Variants in DNAH5 observed in about 807,000 individuals in gnomAD.
DNAH5 encodes axonemal beta dynein heavy chain 5.
A neutral mutation model predicts 518.2 loss-of-function variants in DNAH5; 372 were observed. The observed-to-expected ratio is 0.72, with a 90% confidence interval of 0.66 to 0.78. DNAH5 has a LOEUF of 0.78. Ranked by LOEUF, DNAH5 falls within the 30% of genes least tolerant of loss-of-function variation. DNAH5 has a pLI of 0.00. For synonymous variants in DNAH5, 2,039 were observed against 2,025.9 expected, an observed-to-expected ratio of 1.01 and a Z score of -0.17; for missense variants, 5,523 against 5,687.0, an observed-to-expected ratio of 0.97 and a Z score of 0.93.
At chr5:14,005,336 T>C (rs1237651903) in intron 1 of DNAH5, among the ~76,000 whole-genome samples, 1 of 152,224 alleles carries the variant, frequency 6.6e-6, no homozygotes, top group Non-Finnish European at 1.5e-5. Flanking sequence ...AACATAATCA[T>C]TGAAATGGCC....
chr5:13,824,467 G>T, intron 38 of DNAH5, 134 bp from the exon 39 acceptor site: 1 of 823,064 alleles, frequency 1.2e-6, no homozygotes, highest in Non-Finnish European at 2.0e-6. Context: ...TACACACAAT[G>T]GGGTAAAATA....
intron 1 of DNAH5, among the ~76,000 whole-genome samples, chr5:14,008,093 A>G (rs1784845356): frequency 6.6e-6 from 1 of 151,862 alleles, no homozygotes; most frequent in Admixed American, 6.6e-5. Context: ...AATCACTTGA[A>G]CCCAGGAGGC....
intron 76 of DNAH5, among the ~76,000 whole-genome samples, chr5:13,703,310 T>A (rs775711646): frequency 6.6e-6 from 1 of 152,126 alleles, no homozygotes; most frequent in Non-Finnish European, 1.5e-5. Context: ...ACTCATTTAA[T>A]CCTCACAATA....
At chr5:13,984,132 C>T (rs1208768979) in intron 1 of DNAH5, among the ~76,000 whole-genome samples, 4 of 152,102 alleles carry the variant, frequency 2.6e-5, no homozygotes, top group Non-Finnish European at 5.9e-5. Flanking sequence ...GGAAGCATGA[C>T]GGAGACATGC....
intron 25 of DNAH5, among the ~76,000 whole-genome samples, chr5:13,867,173 A>G (rs1346692664): frequency 1.3e-5 from 2 of 152,158 alleles, no homozygotes; most frequent in Non-Finnish European, 2.9e-5. Context: ...GCCCTTTTAA[A>G]TTTATCATTT....
chr5:13,920,652 CT>C, intron 5 of DNAH5, 35 bp from the exon 6 acceptor site: 1 of 1,612,782 alleles, frequency 6.2e-7, no homozygotes, highest in East Asian at 2.2e-5. Flanking sequence ...TCAGATGATG[CT>C]TTTGTAAAAC....
At chr5:14,002,856 T>C (rs1784457605) in intron 1 of DNAH5, among the ~76,000 whole-genome samples, 1 of 151,878 alleles carries the variant, frequency 6.6e-6, no homozygotes, top group South Asian at 2.1e-4. Flanking sequence ...TTTATGTTTG[T>C]TCAGAAAAGC....
Position 13,885,075 on chromosome 5 carries a change from T to A in DNAH5, c.2897A>T (p.Asn966Ile). 6.2e-7 allele frequency: 1 copy of A among 1,614,228 alleles called. No individual in the cohort carries two copies. Among genetic ancestry groups the A allele is most frequent in the East Asian group, 2.2e-5 (1 of 44,878 alleles). Reference sequence around the variant, plus strand: ...TGTAACTTTCAGAAGAGCATCCATGTTCTGATGGTTGAAATGAGAGAGTAA... The same window carrying A: ...TGTAACTTTCAGAAGAGCATCCATGATCTGATGGTTGAAATGAGAGAGTAA... ...RELLSHFNHQ[N>I]MDALLKVTRN... The change falls in exon 19 of 79, where the codon AAC (asparagine) becomes ATC (isoleucine). Residue 966 changes from asparagine to isoleucine, a missense_variant. Asn to Ile is a moderately radical substitution (Grantham distance 149). This residue lies in a region of DNAH5 where 5,121 missense variants were observed against 5,223.3 expected (regional missense o/e 0.98). Transcript: ENST00000265104.
At chr5:13,912,131 TAA>T (rs1776060022) in intron 11 of DNAH5, among the ~76,000 whole-genome samples, 1 of 152,180 alleles carries the variant, frequency 6.6e-6, no homozygotes, top group Non-Finnish European at 1.5e-5. Context: ...TTGCTTTCAA[TAA>T]TGAGCTATAA....
chr5:13,713,286 AACATATATATACCG>A (rs1321293225), intron 75 of DNAH5, among the ~76,000 whole-genome samples: 10 of 145,554 alleles, frequency 6.9e-5, no homozygotes, highest in African/African-American at 1.5e-4. Flanking sequence ...TATATATACC[AACATATATATACCG>A]ACATATATAT....
At chr5:13,930,382 T>G (rs1778303684) in intron 2 of DNAH5, among the ~76,000 whole-genome samples, 1 of 152,142 alleles carries the variant, frequency 6.6e-6, no homozygotes, top group Non-Finnish European at 1.5e-5. Flanking sequence ...TCCTCCAACC[T>G]TGCCCAAATC....
chr5:13,735,539 G>A (rs16902732), intron 67 of DNAH5, among the ~76,000 whole-genome samples: 1,853 of 151,990 alleles, frequency 0.012, 36 homozygotes, highest in African/African-American at 0.042. Context: ...CTACCTGCAG[G>A]GCATCATCAC....
chr5:13,944,243 A>G, intron 1 of DNAH5, 139 bp downstream of exon 1: 1 of 844,332 alleles, frequency 1.2e-6, no homozygotes, highest in East Asian at 2.6e-5. Flanking sequence ...GCACCAGGTG[A>G]ACATTAGTTA....
At chr5:13,996,507 T>C (rs916076865) in intron 1 of DNAH5, among the ~76,000 whole-genome samples, 3 of 152,256 alleles carry the variant, frequency 2.0e-5, no homozygotes, top group African/African-American at 7.2e-5. Flanking sequence ...AAGGAAGTTA[T>C]GTGCTTCCAA....
chr5:13,889,177 A>G (rs1286754956), intron 17 of DNAH5, among the ~76,000 whole-genome samples: 1 of 152,272 alleles, frequency 6.6e-6, no homozygotes, highest in Non-Finnish European at 1.5e-5. Flanking sequence ...AAAATATTCT[A>G]AAACTTTCTT....
At position 13,777,356 on chromosome 5, in the gene DNAH5, C is replaced by G. The variant is rs1561230523; in HGVS notation, c.8952-1G>C. 1 of 1,612,480 alleles carries G rather than the reference C, an allele frequency of 6.2e-7. No homozygotes were observed. ...CATCAGATTTGATGTGTTGTAGGAT[C>G]TAAAGAAATATTTTCATTTTGTCAT... On this transcript the variant is annotated splice_acceptor_variant, in intron 53 of 78. Coordinates refer to ENST00000265104, the MANE Select transcript of DNAH5 (RefSeq NM_001369.3). LOFTEE classifies it high-confidence loss of function.
At chr5:13,861,072 T>C (rs985025344) in intron 29 of DNAH5, among the ~76,000 whole-genome samples, 1 of 152,178 alleles carries the variant, frequency 6.6e-6, no homozygotes, top group African/African-American at 2.4e-5. Flanking sequence ...AAAGGTTCAA[T>C]AAATATATAT....
rs371414060 is a variant in DNAH5, at chr5:13,931,198, G to A, written c.104C>T (p.Ala35Val). The A allele has an allele frequency of 3.5e-5, 57 of 1,613,982 alleles. No individual in the cohort carries two copies. The highest frequency in any genetic ancestry group is 2.3e-4 in the African/African-American group (17 of 74,922). The change falls in exon 2 of 79, where the codon GCG becomes GTG. Residue 35 changes from alanine to valine, a missense_variant. Around this residue, in one of 3 missense-constraint regions of DNAH5, gnomAD observed 5,121 missense variants for 5,223.3 expected, o/e 0.98. Coordinates refer to ENST00000265104, the MANE Select transcript of DNAH5 (RefSeq NM_001369.3). The part of the protein sequence containing the change: ...EKEAKRALLD[A>V]RHNYLFAIVA... Reference sequence around the variant, plus strand: ...AATTGCAAATAAGTAGTTATGCCTCGCATCCAAAAGAGCCCGCTTGGCTTC... The same window carrying A: ...AATTGCAAATAAGTAGTTATGCCTCACATCCAAAAGAGCCCGCTTGGCTTC...
chr5:13,860,709 G>A (rs754560653), intron 29 of DNAH5, among the ~76,000 whole-genome samples: 1 of 152,108 alleles, frequency 6.6e-6, no homozygotes, highest in Non-Finnish European at 1.5e-5. Context: ...TCTTTTATGC[G>A]TGAGCAATAT....
Sources: gnomAD v4.1 joint callset for allele counts (sites outside exome capture counted in the v4.1 genomes callset) on GRCh38, gnomAD v4.1.1 for gene constraint, gnomAD v4.1.1 regional missense constraint, MANE v1.5 for transcripts, NCBI Gene and HGNC (gene_info 2026-07-23, HGNC 2026-07-21) for gene names.